Variants in MAP2 observed in about 807,000 individuals in gnomAD.
MAP2 encodes the protein microtubule associated protein 2, also known as microtubule-associated protein 2.
MAP2 carries 14 observed loss-of-function variants against 137.6 expected under a neutral mutation model. That is an observed-to-expected ratio of 0.10 (90% CI 0.07 to 0.16). MAP2 has a LOEUF of 0.16. Among genes scored for constraint, MAP2 ranks in the 10% least tolerant of loss-of-function variants. The pLI is 1.00. For missense variants in MAP2, 2,088 were observed against 2,191.5 expected (o/e 0.95, Z 0.94); for synonymous variants, 786 against 782.3 (o/e 1.00, Z -0.08).
intron 1 of MAP2, among the ~76,000 whole-genome samples, chr2:209,491,809 T>C (rs1424626383): frequency 6.6e-6 from 1 of 152,062 alleles, no homozygotes; most frequent in Non-Finnish European, 1.5e-5. Context: ...ATTAATAGGC[T>C]ACCAACCAAA....
chr2:209,730,623 A>C lies in MAP2; in HGVS notation c.*226A>C, dbSNP rs1378744827. 1 of 526,928 alleles carries C rather than the reference A, an allele frequency of 1.9e-6. No homozygotes were observed. Among genetic ancestry groups the C allele is most frequent in the African/African-American group, 1.9e-5 (1 of 52,572 alleles). The allele number at this position is 526,928 out of a possible 1,614,324, so 32.6% of individuals were successfully genotyped here. On this transcript the variant is annotated 3_prime_UTR_variant, in exon 16 of 16. Coordinates refer to ENST00000682079, the MANE Select transcript of MAP2 (RefSeq NM_001375505.1). ...AAGACACTGGCTTTACATGGGTTCA[A>C]TTGGACAATTATTTTTGCTCTGCTC...
At chr2:209,447,699 G>A (rs1295182310) in intron 1 of MAP2, among the ~76,000 whole-genome samples, 1 of 152,006 alleles carries the variant, frequency 6.6e-6, no homozygotes, top group African/African-American at 2.4e-5. Flanking sequence ...CATTATTCAA[G>A]CCAGTGTCAG....
intron 3 of MAP2, among the ~76,000 whole-genome samples, chr2:209,595,726 C>G (rs535739122): frequency 6.6e-6 from 1 of 152,254 alleles, no homozygotes; most frequent in African/African-American, 2.4e-5. Context: ...CAGTGATAGA[C>G]TGGATTAAGA....
At chr2:209,529,175 G>A (rs1262501192) in intron 2 of MAP2, among the ~76,000 whole-genome samples, 1 of 152,034 alleles carries the variant, frequency 6.6e-6, no homozygotes, top group Non-Finnish European at 1.5e-5. Context: ...AGCAGCAACA[G>A]TTATCAAATG....
intron 4 of MAP2, among the ~76,000 whole-genome samples, chr2:209,648,621 CAAAAAAAA>C (rs1228232293): frequency 1.2e-4 from 6 of 51,056 alleles, no homozygotes; most frequent in African/African-American, 1.1e-4. Context: ...ACTAAAAATA[CAAAAAAAA>C]AAAAAAAAAA....
intron 1 of MAP2, among the ~76,000 whole-genome samples, chr2:209,457,539 G>A (rs1286812639): frequency 6.6e-6 from 1 of 152,152 alleles, no homozygotes; most frequent in Admixed American, 6.5e-5. Context: ...ATATTCAACC[G>A]GTGGTCATAT....
At chr2:209,496,813 T>C (rs2059803198) in intron 1 of MAP2, among the ~76,000 whole-genome samples, 1 of 152,138 alleles carries the variant, frequency 6.6e-6, no homozygotes, top group Non-Finnish European at 1.5e-5. Context: ...TTTTTTTGTG[T>C]GTGTGAGACA....
chr2:209,587,809 T>C (rs2078148785), intron 3 of MAP2, among the ~76,000 whole-genome samples: 1 of 152,210 alleles, frequency 6.6e-6, no homozygotes, highest in African/African-American at 2.4e-5. Context: ...CTCTGGACCA[T>C]GCCATGACCA....
chr2:209,706,006 G>C (rs1247075869), intron 12 of MAP2, among the ~76,000 whole-genome samples: 1 of 152,000 alleles, frequency 6.6e-6, no homozygotes, highest in Non-Finnish European at 1.5e-5. Flanking sequence ...TTCAAATTTA[G>C]AGCAGAAAAG....
intron 1 of MAP2, among the ~76,000 whole-genome samples, chr2:209,486,877 A>C (rs2058457168): frequency 6.6e-6 from 1 of 152,194 alleles, no homozygotes; most frequent in African/African-American, 2.4e-5. Flanking sequence ...GAAGTACTTA[A>C]TATGTAACAT....
At chr2:209,611,230 T>G (rs1580514637) in intron 3 of MAP2, among the ~76,000 whole-genome samples, 1 of 152,096 alleles carries the variant, frequency 6.6e-6, no homozygotes, top group South Asian at 2.1e-4. Context: ...AGGGATTATA[T>G]TGAGCACTTG....
At chr2:209,559,479 CAAAA>C (rs59788211) in intron 2 of MAP2, among the ~76,000 whole-genome samples, 383 of 37,564 alleles carry the variant, frequency 0.01, 2 homozygotes, top group African/African-American at 0.028. Context: ...GCCAAAAATA[CAAAA>C]AAAAAAAAAA....
chr2:209,707,200 C>T (rs1275305876), intron 12 of MAP2, among the ~76,000 whole-genome samples: 1 of 152,136 alleles, frequency 6.6e-6, no homozygotes, highest in Non-Finnish European at 1.5e-5. Context: ...CCACTGTGTT[C>T]TGCCTTTTAA....
chr2:209,530,156 C>T lies in MAP2; in HGVS notation c.-172+22515C>T, dbSNP rs191333329. 3.5e-3 allele frequency among the ~76,000 whole-genome samples: 538 copies of T among 152,036 alleles called. 4 individuals carry two copies. Among genetic ancestry groups the T allele is most frequent in the Non-Finnish European group, 2.8e-3 (193 of 67,980 alleles). On this transcript the variant is annotated intron_variant, in intron 2 of 15. Transcript: ENST00000682079. ...TTGTTTCCAAGATGGCTGCTTCTGC[C>T]CCCACTGTCTTATCACATATGCATC...
At chr2:209,647,200 A>C (rs988077782) in intron 4 of MAP2, among the ~76,000 whole-genome samples, 1 of 152,110 alleles carries the variant, frequency 6.6e-6, no homozygotes, top group Non-Finnish European at 1.5e-5. Flanking sequence ...TAAACCATTC[A>C]TGAGAAAACC....
At chr2:209,683,359 A>G (rs559283039) in intron 7 of MAP2, among the ~76,000 whole-genome samples, 108 of 152,268 alleles carry the variant, frequency 7.1e-4, no homozygotes, top group Non-Finnish European at 1.2e-3. Flanking sequence ...TGAAGTTCTG[A>G]TTATTTGATT....
At chr2:209,630,173 T>C (rs1032133023) in intron 4 of MAP2, among the ~76,000 whole-genome samples, 2 of 151,930 alleles carry the variant, frequency 1.3e-5, no homozygotes, top group Admixed American at 6.6e-5. Flanking sequence ...AAGATTATTT[T>C]ATGGTTGCTG....
chr2:209,546,084 GGTAA>G (rs1306229415), intron 2 of MAP2, among the ~76,000 whole-genome samples: 1 of 152,024 alleles, frequency 6.6e-6, no homozygotes, highest in Non-Finnish European at 1.5e-5. Flanking sequence ...CAGAGGTTGC[GGTAA>G]GCCGAGATCG....
At chr2:209,696,395 T>C (rs1401891380) in intron 8 of MAP2, 45 bp downstream of exon 8, 2 of 1,518,002 alleles carry the variant, frequency 1.3e-6, no homozygotes, top group South Asian at 2.7e-5. Context: ...CACAATAACC[T>C]TATGGGAATT....
Sources: gnomAD v4.1 joint callset for allele counts (sites outside exome capture counted in the v4.1 genomes callset) on GRCh38, gnomAD v4.1.1 for gene constraint, MANE v1.5 for transcripts, NCBI Gene and HGNC (gene_info 2026-07-23, HGNC 2026-07-21) for gene names.